Variants in TTBK2 observed in about 807,000 individuals in gnomAD.
TTBK2 encodes tau-tubulin kinase 2.
In TTBK2, 28 loss-of-function variants were observed where a neutral mutation model predicts 110.8. That is an observed-to-expected ratio of 0.25 (90% confidence interval 0.19 to 0.35). TTBK2 has a LOEUF of 0.35. Ranked by LOEUF, TTBK2 falls within the 10% of genes least tolerant of loss-of-function variation. The probability of loss-of-function intolerance (pLI) is 1.00; values close to 1 mark genes in which losing one functional copy is unlikely to be tolerated. For missense variants in TTBK2, 1,369 were observed against 1,500.3 expected, an observed-to-expected ratio of 0.91 and a Z score of 1.45; for synonymous variants, 532 against 527.3, an observed-to-expected ratio of 1.01 and a Z score of -0.12.
At chr15:42,807,245 T>C (rs1408033753) in intron 9 of TTBK2, among the ~76,000 whole-genome samples, 1 of 152,138 alleles carries the variant, frequency 6.6e-6, no homozygotes, top group Non-Finnish European at 1.5e-5. Context: ...AGCAACGTTG[T>C]AGCAGTGGGT....
At chr15:42,811,588 T>C (rs1891723125) in intron 8 of TTBK2, 100 bp downstream of exon 8, 1 of 902,046 alleles carries the variant, frequency 1.1e-6, no homozygotes, top group Non-Finnish European at 1.8e-6. Flanking sequence ...TGCTTGTAGA[T>C]TTTAAGTCTT....
chr15:42,907,785 T>A (rs1353616306), intron 1 of TTBK2, among the ~76,000 whole-genome samples: 1 of 151,926 alleles, frequency 6.6e-6, no homozygotes, highest in Non-Finnish European at 1.5e-5. Context: ...AATTAAAAAA[T>A]TTTTTTGGCT....
At chr15:42,912,100 A>T (rs1309199592) in intron 1 of TTBK2, among the ~76,000 whole-genome samples, 1 of 152,200 alleles carries the variant, frequency 6.6e-6, no homozygotes, top group Non-Finnish European at 1.5e-5. Flanking sequence ...AGCTTGGTCT[A>T]CGTGAAAAGG....
At chr15:42,816,990 TTA>T (rs1249792022) in intron 7 of TTBK2, 40 bp downstream of exon 7, 3 of 1,380,210 alleles carry the variant, frequency 2.2e-6, no homozygotes, top group Non-Finnish European at 2.9e-6. Context: ...ATTTAAGCTA[TTA>T]GCATACTTAT....
intron 1 of TTBK2, among the ~76,000 whole-genome samples, chr15:42,903,833 T>C (rs1474798507): frequency 6.6e-6 from 1 of 152,240 alleles, no homozygotes; most frequent in East Asian, 1.9e-4. Context: ...CTGTGACATC[T>C]ATCTTGCTCA....
chr15:42,756,828 T>C (rs1250565643), intron 13 of TTBK2, among the ~76,000 whole-genome samples: 2 of 151,770 alleles, frequency 1.3e-5, no homozygotes, highest in South Asian at 2.1e-4. Flanking sequence ...GCCCAGGAGT[T>C]TGAGACCAGC....
In TTBK2 at chr15:42,868,695, CAAAAAAA is replaced by C. The variant is rs777884907; in HGVS notation, c.217+3909_217+3915del. Among the ~76,000 whole-genome samples the C allele has an allele frequency of 3.6e-4, 31 of 86,090 alleles. No individual in the cohort carries two copies. In the Admixed American group the frequency reaches 3.8e-3, roughly 10 times the overall value. The allele number at this position is 86,090 out of a possible 152,430, so 56.5% of individuals were successfully genotyped here. On this transcript the variant is annotated intron_variant, in intron 3 of 14. Coordinates refer to ENST00000267890, the MANE Select transcript of TTBK2 (RefSeq NM_173500.4). Reference sequence around the variant, plus strand: ...AACAAAGCCAGACTCTACATCTCTACAAAAAAAAAAAAAAAAATTAGCTGAGTGTGGT... The same window carrying C: ...AACAAAGCCAGACTCTACATCTCTACAAAAAAAAAATTAGCTGAGTGTGGT...
rs1240195305 is a variant in TTBK2 at position 42,753,007 on chromosome 15, C to G, written c.2239G>C (p.Glu747Gln). 1 of 1,614,044 alleles carries G rather than the reference C, an allele frequency of 6.2e-7. No individual in the cohort carries two copies. Among genetic ancestry groups the G allele is most frequent in the Admixed American group, 1.7e-5 (1 of 60,002 alleles). ...IGHDMLPNIR[E>Q]SNKSQDLGPK... ...CCCAGGTCTTGAGATTTGTTACTTT[C>G]TCTAATGTTGGGTAACATGTCATGA... Residue 747 changes from glutamate to glutamine, a missense_variant, in exon 14 of 15, where the codon GAA becomes CAA. By Grantham distance (29) the Glu-to-Gln change is conservative (BLOSUM62 2). Transcript: ENST00000267890.
rs904618809 is a variant in TTBK2, at chr15:42,745,833, G to C, written c.3697C>G (p.Gln1233Glu). Reference sequence around the variant, plus strand: ...TTACTGGCTGGCTTACTCTTCCCTTGGGGGGTTTTAGTGCTGGCTGAGTGG... The same window carrying C: ...TTACTGGCTGGCTTACTCTTCCCTTCGGGGGTTTTAGTGCTGGCTGAGTGG... ...HHHSASTKTP[Q>E]GKSKPASKLS... The change falls in exon 15 of 15, where the codon CAA becomes GAA. Residue 1233 changes from glutamine to glutamate, a missense_variant. Gln to Glu is a conservative substitution (Grantham distance 29, BLOSUM62 2). Transcript: ENST00000267890. 2.5e-6 allele frequency: 4 copies of C among 1,614,096 alleles called. No homozygotes were observed. The African/African-American group carries it at 4.0e-5, about 16-fold the overall frequency.
chr15:42,754,274 G>A (rs750988634), intron 13 of TTBK2, among the ~76,000 whole-genome samples: 1 of 151,992 alleles, frequency 6.6e-6, no homozygotes, highest in African/African-American at 2.4e-5. Flanking sequence ...TAGAGATGGG[G>A]TGTCACCTGT....
intron 13 of TTBK2, 24 bp downstream of exon 13, chr15:42,775,108 GAAT>G (rs1381809461): frequency 5.6e-6 from 9 of 1,603,566 alleles, no homozygotes; most frequent in Non-Finnish European, 7.7e-6. Context: ...GGATAACAGA[GAAT>G]AATAATAAAA....
chr15:42,761,937 T>C (rs912892641), intron 13 of TTBK2, among the ~76,000 whole-genome samples: 1 of 152,198 alleles, frequency 6.6e-6, no homozygotes, highest in African/African-American at 2.4e-5. Flanking sequence ...AACTGAATCA[T>C]GGGGGCAGGT....
Position 42,752,363 on chromosome 15 carries a change from T to C in TTBK2, c.2883A>G (p.Pro961=), listed in dbSNP as rs757518859. The change falls in exon 14 of 15, where the codon CCA becomes CCG. Residue 961 remains proline, a synonymous_variant. Transcript: ENST00000267890. ...GGAGGAGCTTTTCTTTTGCAGAAAC[T>C]GGAGAGGATGATTCCAAAGTTGAGT... ...EIDSTLESSS[P]VSAKEKLLQK... is the part of the protein sequence containing the mutation. 6.2e-7 allele frequency: 1 copy of C among 1,614,250 alleles called. No homozygotes were observed. The highest frequency in any genetic ancestry group is 1.7e-5 in the Admixed American group (1 of 60,028).
intron 13 of TTBK2, among the ~76,000 whole-genome samples, chr15:42,755,219 A>C (rs1437155463): frequency 6.6e-6 from 1 of 152,130 alleles, no homozygotes; most frequent in Non-Finnish European, 1.5e-5. Flanking sequence ...ATAAAGAAAA[A>C]CAGTCTTTTT....
At chr15:42,911,203 G>C (rs964565750) in intron 1 of TTBK2, among the ~76,000 whole-genome samples, 1 of 152,172 alleles carries the variant, frequency 6.6e-6, no homozygotes, top group East Asian at 1.9e-4. Context: ...GAAGACATCT[G>C]GTCGATTGCA....
chr15:42,776,626 C>T (rs566275004), intron 12 of TTBK2, among the ~76,000 whole-genome samples: 2 of 152,222 alleles, frequency 1.3e-5, no homozygotes, highest in Non-Finnish European at 2.9e-5. Context: ...GTATGAATTA[C>T]TTTTTCCCCT....
chr15:42,763,184 A>T (rs1281805520), intron 13 of TTBK2, among the ~76,000 whole-genome samples: 4 of 23,278 alleles, frequency 1.7e-4, no homozygotes, highest in Non-Finnish European at 2.8e-4. Context: ...ATATATATAT[A>T]TATATATATT....
chr15:42,881,053 A>G (rs1009278851), intron 1 of TTBK2, among the ~76,000 whole-genome samples: 16 of 152,014 alleles, frequency 1.1e-4, no homozygotes, highest in East Asian at 3.9e-4. Context: ...AGGCCAAGAC[A>G]GGCAGATCTC....
chr15:42,846,281 C>G (rs1193998173), intron 3 of TTBK2, among the ~76,000 whole-genome samples: 2 of 151,760 alleles, frequency 1.3e-5, no homozygotes, highest in African/African-American at 4.8e-5. Flanking sequence ...CCTCTGCCTC[C>G]CAGGTTCAAG....
Sources: allele counts gnomAD v4.1 joint callset (sites outside exome capture counted in the v4.1 genomes callset), GRCh38; gene constraint gnomAD v4.1.1; transcripts MANE v1.5; gene names NCBI Gene and HGNC (gene_info 2026-07-23, HGNC 2026-07-21).